MVB12B: variants seen among roughly 807,000 people sequenced by gnomAD.
MVB12B encodes ESCRT-I complex subunit MVB12B.
In MVB12B, 16 loss-of-function variants were observed where a neutral mutation model predicts 41.6. The observed-to-expected ratio is 0.38, with a 90% CI of 0.26 to 0.58. The LOEUF is 0.58. Ranked by LOEUF, MVB12B falls within the 20% of genes least tolerant of loss-of-function variation. MVB12B has a pLI of 0.62. For synonymous variants in MVB12B, 133 were observed against 139.7 expected (o/e 0.95, Z 0.34); for missense variants, 274 against 380.2 (o/e 0.72, Z 2.32).
intron 2 of MVB12B, among the ~76,000 whole-genome samples, chr9:126,375,698 A>C (rs986731312): frequency 2.0e-5 from 3 of 152,138 alleles, no homozygotes; most frequent in Non-Finnish European, 4.4e-5. Context: ...CTGGGAGATA[A>C]ACTTTTTAAG....
At chr9:126,345,277 G>A (rs756705114) in intron 2 of MVB12B, among the ~76,000 whole-genome samples, 3 of 152,170 alleles carry the variant, frequency 2.0e-5, no homozygotes, top group Non-Finnish European at 4.4e-5. Flanking sequence ...CTGCATCCTG[G>A]TCTTAGACTA....
At chr9:126,357,562 T>A (rs2032865871) in intron 2 of MVB12B, among the ~76,000 whole-genome samples, 1 of 152,180 alleles carries the variant, frequency 6.6e-6, no homozygotes, top group Non-Finnish European at 1.5e-5. Flanking sequence ...TGTATTTGTT[T>A]ATGATTTTAG....
chr9:126,383,843 G>C (rs1484108763), intron 3 of MVB12B, among the ~76,000 whole-genome samples: 1 of 151,906 alleles, frequency 6.6e-6, no homozygotes, highest in African/African-American at 2.4e-5. Flanking sequence ...ATGCATGCAA[G>C]GGTTTTTTGA....
chr9:126,377,045 C>T (rs987736747), intron 2 of MVB12B, among the ~76,000 whole-genome samples: 3 of 152,072 alleles, frequency 2.0e-5, no homozygotes, highest in Non-Finnish European at 4.4e-5. Context: ...CCGCCTTCTG[C>T]AGTGCCAGGC....
At chr9:126,427,453 G>A (rs982149349) in intron 7 of MVB12B, among the ~76,000 whole-genome samples, 7 of 152,026 alleles carry the variant, frequency 4.6e-5, no homozygotes, top group Admixed American at 2.0e-4. Context: ...AGCACAGTGC[G>A]GCTTTTCTAA....
intron 6 of MVB12B, chr9:126,397,193 A>T (rs1259258384): frequency 2.7e-5 from 27 of 985,376 alleles, no homozygotes; most frequent in Non-Finnish European, 3.0e-5. Context: ...TGCTGACATC[A>T]TGTGGTCTAG....
intron 7 of MVB12B, among the ~76,000 whole-genome samples, chr9:126,426,168 C>A (rs1232571196): frequency 6.6e-6 from 1 of 152,246 alleles, no homozygotes; most frequent in Non-Finnish European, 1.5e-5. Context: ...GCCAAGAAAT[C>A]CTAAATATTT....
chr9:126,449,131 G>C (rs1832845011), intron 7 of MVB12B, among the ~76,000 whole-genome samples: 1 of 152,142 alleles, frequency 6.6e-6, no homozygotes, highest in Non-Finnish European at 1.5e-5. Flanking sequence ...TCGTTCACTG[G>C]GCAGTTACTG....
At chr9:126,393,014 C>T (rs961101569) in intron 5 of MVB12B, among the ~76,000 whole-genome samples, 9 of 152,170 alleles carry the variant, frequency 5.9e-5, no homozygotes, top group Non-Finnish European at 1.2e-4. Flanking sequence ...CATGATAATT[C>T]CCCAGTAAGC....
At chr9:126,415,019 C>G (rs1025206458) in intron 6 of MVB12B, among the ~76,000 whole-genome samples, 4 of 152,020 alleles carry the variant, frequency 2.6e-5, no homozygotes, top group African/African-American at 4.8e-5. Context: ...CATGAGCCCC[C>G]ACTCCCAGCC....
chr9:126,476,228 C>CGCT (rs1833416568), intron 7 of MVB12B, among the ~76,000 whole-genome samples: 1 of 152,250 alleles, frequency 6.6e-6, no homozygotes, highest in South Asian at 2.1e-4. Flanking sequence ...AAGGTGTTAC[C>CGCT]GCTGAGCCTG....
At chr9:126,368,081 C>T (rs1564292697) in intron 2 of MVB12B, among the ~76,000 whole-genome samples, 1 of 152,170 alleles carries the variant, frequency 6.6e-6, no homozygotes, top group Non-Finnish European at 1.5e-5. Context: ...CAGTGGTTTC[C>T]GATGCAACGC....
In MVB12B at chr9:126,376,543, C is replaced by T. The variant is rs1362768656; in HGVS notation, c.205-4521C>T. ...CGACGAGCAGGGAGCTGGCTCAGATCGTGGGCTGGTCCACCCTGGCGCTTT... is the reference window on the plus strand; with the variant it reads ...CGACGAGCAGGGAGCTGGCTCAGATTGTGGGCTGGTCCACCCTGGCGCTTT... On this transcript the variant is annotated intron_variant, in intron 2 of 9. Coordinates refer to ENST00000361171, the MANE Select transcript of MVB12B (RefSeq NM_033446.3). The surrounding 1 kb of genome is among the most constrained non-coding windows in gnomAD (Gnocchi z 4.1). 13 of 1,289,180 alleles carry T rather than the reference C, an allele frequency of 1.0e-5. No homozygotes were observed. The highest frequency in any genetic ancestry group is 1.5e-5 in the African/African-American group (1 of 65,818). 79.9% of individuals were successfully genotyped at this position (1,289,180 alleles called of 1,614,324 possible).
chr9:126,477,429 A>G (rs1342766244), intron 7 of MVB12B, among the ~76,000 whole-genome samples: 1 of 152,240 alleles, frequency 6.6e-6, no homozygotes, highest in Non-Finnish European at 1.5e-5. Context: ...CCATTTTCAT[A>G]CTGCTATGAA....
At chr9:126,385,368 A>G (rs1342808507) in intron 3 of MVB12B, among the ~76,000 whole-genome samples, 2 of 152,218 alleles carry the variant, frequency 1.3e-5, no homozygotes, top group African/African-American at 4.8e-5. Flanking sequence ...GAGAGTGCCA[A>G]GAGGGAACAT....
chr9:126,430,637 G>T (rs1832306363), intron 7 of MVB12B, among the ~76,000 whole-genome samples: 1 of 150,156 alleles, frequency 6.7e-6, no homozygotes, highest in African/African-American at 2.5e-5. Context: ...GAGCAAGATT[G>T]TTCACTCCAT....
chr9:126,368,118 A>G (rs1475189324), intron 2 of MVB12B, among the ~76,000 whole-genome samples: 1 of 152,184 alleles, frequency 6.6e-6, no homozygotes, highest in Non-Finnish European at 1.5e-5. Flanking sequence ...TTAAGTGATT[A>G]CTTTGTACTG....
At chr9:126,331,743 C>T (rs2118785641) in intron 1 of MVB12B, among the ~76,000 whole-genome samples, 1 of 152,338 alleles carries the variant, frequency 6.6e-6, no homozygotes, top group Middle Eastern at 3.4e-3. Context: ...AATTCAAGCT[C>T]GGGTCCCTTG....
In MVB12B at chr9:126,357,365, C is replaced by T. The variant is rs376452006; in HGVS notation, c.204+16735C>T. 1.2e-3 allele frequency among the ~76,000 whole-genome samples: 189 copies of T among 152,226 alleles called. 5 individuals are homozygous for T. The South Asian group carries it at 0.038, about 31-fold the overall frequency. On this transcript the variant is annotated intron_variant, in intron 2 of 9. Transcript: ENST00000361171. ...CACATTCATTTCCTATGGATAAATACCTAGGAGTGGAAGGGTTGGATTGCA... is the reference window on the plus strand; with the variant it reads ...CACATTCATTTCCTATGGATAAATATCTAGGAGTGGAAGGGTTGGATTGCA...
Sources: allele counts gnomAD v4.1 joint callset (sites outside exome capture counted in the v4.1 genomes callset), GRCh38; gene constraint gnomAD v4.1.1; non-coding constraint Gnocchi (gnomAD v3.1); transcripts MANE v1.5; gene names NCBI Gene and HGNC (gene_info 2026-07-23, HGNC 2026-07-21).